The following SEMA3E variants were observed in gnomAD, a reference collection of about 807,000 sequenced individuals.
SEMA3E encodes the protein semaphorin 3E.
A neutral mutation model predicts 93.6 loss-of-function variants in SEMA3E; 49 were observed. The ratio of observed to expected loss-of-function variants is 0.52; its 90% CI spans 0.42 to 0.66. The LOEUF is 0.66. SEMA3E is among the 30% of genes least tolerant of loss of function. SEMA3E has a pLI of 0.00. For synonymous variants in SEMA3E, 363 were observed against 330.7 expected, an observed-to-expected ratio of 1.10 and a Z score of -1.06; for missense variants, 906 against 964.8, an observed-to-expected ratio of 0.94 and a Z score of 0.81.
At chr7:83,433,201 T>A (rs539252026) in intron 4 of SEMA3E, among the ~76,000 whole-genome samples, 256 of 152,282 alleles carry the variant, frequency 1.7e-3, no homozygotes, top group African/African-American at 5.8e-3. Context: ...AAATGTCTTG[T>A]TCAAAGTAAG....
At chr7:83,374,892 C>G (rs1473670919) in intron 16 of SEMA3E, among the ~76,000 whole-genome samples, 3 of 151,664 alleles carry the variant, frequency 2.0e-5, no homozygotes, top group African/African-American at 7.3e-5. Context: ...GTACCATAAA[C>G]TAAATCGTAT....
At chr7:83,423,290 T>C (rs1327091403) in intron 4 of SEMA3E, among the ~76,000 whole-genome samples, 4 of 152,130 alleles carry the variant, frequency 2.6e-5, no homozygotes, top group Admixed American at 6.5e-5. Context: ...ATATTGAATG[T>C]GCATGCATTC....
At chr7:83,604,103 T>G (rs1243120843) in intron 1 of SEMA3E, among the ~76,000 whole-genome samples, 1 of 148,448 alleles carries the variant, frequency 6.7e-6, no homozygotes, top group African/African-American at 2.5e-5. Context: ...AAGCTAAAAC[T>G]TCTAACAATT....
intron 1 of SEMA3E, among the ~76,000 whole-genome samples, chr7:83,636,406 A>C (rs1793882393): frequency 6.6e-6 from 1 of 152,148 alleles, no homozygotes; most frequent in Non-Finnish European, 1.5e-5. Context: ...ATTCAGCAAA[A>C]GAATTAAGAT....
chr7:83,550,978 TGAGTTATTTTA>T (rs1029421924), intron 1 of SEMA3E, among the ~76,000 whole-genome samples: 17 of 152,248 alleles, frequency 1.1e-4, no homozygotes, highest in African/African-American at 4.1e-4. Flanking sequence ...AAAACCTCAA[TGAGTTATTTTA>T]GATGCATCAG....
At chr7:83,412,692 GT>G (rs1330008838) in intron 5 of SEMA3E, among the ~76,000 whole-genome samples, 1 of 151,450 alleles carries the variant, frequency 6.6e-6, no homozygotes, top group Non-Finnish European at 1.5e-5. Context: ...AGCCAGGCAG[GT>G]AGAGGCTGCA....
intron 1 of SEMA3E, among the ~76,000 whole-genome samples, chr7:83,583,034 A>C (rs551726094): frequency 6.6e-6 from 1 of 152,234 alleles, no homozygotes; most frequent in Non-Finnish European, 1.5e-5. Context: ...TCTGAATTTG[A>C]TATAAAAATT....
At chr7:83,401,421 A>T (rs1310651679) in intron 10 of SEMA3E, among the ~76,000 whole-genome samples, 1 of 152,010 alleles carries the variant, frequency 6.6e-6, no homozygotes, top group African/African-American at 2.4e-5. Context: ...TGGATTTTTC[A>T]CTTGAGTGTA....
chr7:83,399,936 G>T, intron 11 of SEMA3E, 92 bp downstream of exon 11: 1 of 1,030,790 alleles, frequency 9.7e-7, no homozygotes, highest in Non-Finnish European at 1.5e-6. Flanking sequence ...CAGATGGACA[G>T]ATTTGTCGAT....
At chr7:83,543,208 G>GA (rs924641293) in intron 1 of SEMA3E, among the ~76,000 whole-genome samples, 9 of 151,866 alleles carry the variant, frequency 5.9e-5, no homozygotes, top group African/African-American at 2.2e-4. Flanking sequence ...TGGGGAAGCA[G>GA]AAAAAACAGA....
At chr7:83,377,002 G>C (rs1407056423) in intron 16 of SEMA3E, among the ~76,000 whole-genome samples, 4 of 151,974 alleles carry the variant, frequency 2.6e-5, no homozygotes, top group Admixed American at 6.6e-5. Flanking sequence ...AATAGGCATA[G>C]ATGATATTTT....
chr7:83,610,394 ATTATT>A (rs551394190), intron 1 of SEMA3E, among the ~76,000 whole-genome samples: 182 of 152,232 alleles, frequency 1.2e-3, no homozygotes, highest in African/African-American at 4.2e-3. Context: ...AGAAAAAAGA[ATTATT>A]TAATTTAATT....
At chr7:83,481,417 C>T (rs1360136470) in intron 2 of SEMA3E, among the ~76,000 whole-genome samples, 3 of 151,746 alleles carry the variant, frequency 2.0e-5, no homozygotes, top group Non-Finnish European at 2.9e-5. Flanking sequence ...TTTCTTAAAA[C>T]GTTAAATCAG....
At chr7:83,583,490 T>G (rs978954960) in intron 1 of SEMA3E, among the ~76,000 whole-genome samples, 31 of 152,164 alleles carry the variant, frequency 2.0e-4, no homozygotes, top group African/African-American at 7.0e-4. Flanking sequence ...CATTCTCCTG[T>G]AGCAGATTCT....
chr7:83,495,555 T>C (rs984111890), intron 1 of SEMA3E, among the ~76,000 whole-genome samples: 3 of 151,810 alleles, frequency 2.0e-5, no homozygotes, highest in Non-Finnish European at 4.4e-5. Flanking sequence ...ACATAATTAT[T>C]AGGGGAAACA....
In SEMA3E at chr7:83,363,859, CATTTT is replaced by C. The variant is rs1794621414; in HGVS notation, c.*3722_*3726del. On this transcript the variant is annotated 3_prime_UTR_variant, in exon 17 of 17. Transcript: ENST00000643230. ...AGGCTACAGGTGTCACAGGTCAATT[CATTTT>C]TTTTTTTTTTTTTTTTTTTTTTTTT... 13 of 100,564 alleles carry C rather than the reference CATTTT, an allele frequency of 1.3e-4. 1 individual carries two copies. Among genetic ancestry groups the C allele is most frequent in the African/African-American group, 4.2e-4 (9 of 21,450 alleles). The allele number at this position is 100,564 out of a possible 1,614,324, so 6.2% of individuals were successfully genotyped here.
chr7:83,397,699 C>G (rs1206467973), intron 11 of SEMA3E, among the ~76,000 whole-genome samples: 1 of 151,888 alleles, frequency 6.6e-6, no homozygotes, highest in Non-Finnish European at 1.5e-5. Context: ...TTTGCCTATA[C>G]AAATAATTTA....
At chr7:83,570,989 G>A (rs545997240) in intron 1 of SEMA3E, among the ~76,000 whole-genome samples, 1 of 151,460 alleles carries the variant, frequency 6.6e-6, no homozygotes, top group East Asian at 1.9e-4. Context: ...CCTCCTGGTT[G>A]TGTGAACCAG....
intron 2 of SEMA3E, among the ~76,000 whole-genome samples, chr7:83,476,208 G>T (rs1790005273): frequency 6.6e-6 from 1 of 152,162 alleles, no homozygotes; most frequent in African/African-American, 2.4e-5. Context: ...CATTCTTAGT[G>T]AAGTCAGTCT....
Sources: allele counts gnomAD v4.1 joint callset (sites outside exome capture counted in the v4.1 genomes callset), GRCh38; gene constraint gnomAD v4.1.1; transcripts MANE v1.5; gene names NCBI Gene and HGNC (gene_info 2026-07-23, HGNC 2026-07-21).